Variants in MIPOL1 observed in about 807,000 individuals in gnomAD.
MIPOL1 encodes the protein mirror-image polydactyly 1, also known as mirror-image polydactyly gene 1 protein.
A neutral mutation model predicts 60.9 loss-of-function variants in MIPOL1; 57 were observed. The observed-to-expected ratio is 0.94, with a 90% confidence interval of 0.76 to 1.17. The LOEUF (loss-of-function observed/expected upper bound fraction) is 1.17. MIPOL1 is among the 50% of genes most tolerant of loss of function. The pLI is 0.00. For synonymous variants in MIPOL1, 179 were observed against 168.8 expected, an observed-to-expected ratio of 1.06 and a Z score of -0.47; for missense variants, 551 against 511.6, an observed-to-expected ratio of 1.08 and a Z score of -0.74.
chr14:37,439,665 A>G (rs533236188), intron 11 of MIPOL1, among the ~76,000 whole-genome samples: 1 of 152,218 alleles, frequency 6.6e-6, no homozygotes, highest in South Asian at 2.1e-4. Flanking sequence ...CCCCTGGTCA[A>G]TCAAATTTCA....
rs554778061 is a variant in MIPOL1, at chr14:37,524,984, C to T, written c.1263-21921C>T. Among the ~76,000 whole-genome samples the T allele has an allele frequency of 1.1e-4, 17 of 152,226 alleles. No individual in the cohort carries two copies. The South Asian group carries it at 2.7e-3, about 24-fold the overall frequency. ...CACAATAGAAATGTCAGTGAATGGA[C>T]AGCTGCTAAAATATTTTGGCGAAAT... is the stretch of plus-strand genomic sequence containing the variant. On this transcript the variant is annotated intron_variant, in intron 12 of 12. Transcript: ENST00000684589.
intron 10 of MIPOL1, among the ~76,000 whole-genome samples, chr14:37,417,955 T>G (rs1219085542): frequency 6.6e-6 from 1 of 152,174 alleles, no homozygotes. Flanking sequence ...CATGTTGTAT[T>G]AGCAACAATT....
intron 12 of MIPOL1, among the ~76,000 whole-genome samples, chr14:37,521,881 TAAAGAAAAAAAA>T (rs2095414992): frequency 1.2e-5 from 1 of 85,206 alleles, no homozygotes; most frequent in African/African-American, 6.9e-5. Context: ...AGACTTTATC[TAAAGAAAAAAAA>T]ATATATATAT....
Position 37,422,862 on chromosome 14 carries a change from T to A in MIPOL1, c.944T>A (p.Leu315Ter), listed in dbSNP as rs2093899256. ...AATATTAATTACTTTTAGGCAAAGT[T>A]GTTATCTATGCAACAAGCCAGAGAA... ...NNQERALKAK[L>*]LSMQQARETA... Residue 315 changes from leucine to a stop codon, truncating the protein, a stop_gained, in exon 11 of 13, where the codon TTG (leucine) becomes TAG (stop). Transcript: ENST00000684589. LOFTEE classifies it high-confidence loss of function. 2 of 1,602,140 alleles carry A rather than the reference T, an allele frequency of 1.2e-6. No homozygotes were observed. The highest frequency in any genetic ancestry group is 8.5e-7 in the Non-Finnish European group (1 of 1,172,700).
At chr14:37,484,951 C>T (rs999407113) in intron 11 of MIPOL1, among the ~76,000 whole-genome samples, 3 of 152,056 alleles carry the variant, frequency 2.0e-5, no homozygotes, top group Admixed American at 6.6e-5. Flanking sequence ...CCCATCAACC[C>T]GTTACCTACA....
At chr14:37,292,426 T>C (rs1379278447) in intron 7 of MIPOL1, among the ~76,000 whole-genome samples, 1 of 151,316 alleles carries the variant, frequency 6.6e-6, no homozygotes, top group Non-Finnish European at 1.5e-5. Context: ...CAAAAACTTT[T>C]AGCAGAACAG....
intron 10 of MIPOL1, among the ~76,000 whole-genome samples, chr14:37,389,274 C>T (rs1350545577): frequency 6.6e-6 from 1 of 151,968 alleles, no homozygotes; most frequent in Non-Finnish European, 1.5e-5. Flanking sequence ...AATATGTCTT[C>T]TTCATAAGAC....
intron 9 of MIPOL1, among the ~76,000 whole-genome samples, chr14:37,313,660 G>A (rs553445718): frequency 1.3e-5 from 2 of 152,250 alleles, no homozygotes; most frequent in Non-Finnish European, 2.9e-5. Flanking sequence ...GAAGAAAGTG[G>A]TAAATTCTTT....
intron 1 of MIPOL1, among the ~76,000 whole-genome samples, chr14:37,211,492 G>A (rs1966843056): frequency 6.6e-6 from 1 of 152,112 alleles, no homozygotes; most frequent in Admixed American, 6.6e-5. Context: ...AGACTCAGCT[G>A]ATGCCCACCC....
intron 10 of MIPOL1, among the ~76,000 whole-genome samples, chr14:37,388,080 A>G (rs1038146781): frequency 2.0e-5 from 3 of 151,952 alleles, no homozygotes; most frequent in African/African-American, 4.8e-5. Context: ...ATCAGTGATT[A>G]GGAAAAACAT....
intron 1 of MIPOL1, among the ~76,000 whole-genome samples, chr14:37,228,801 A>G (rs1970179374): frequency 6.6e-6 from 1 of 152,172 alleles, no homozygotes. Context: ...AATACTGAAA[A>G]CAATTTGTGG....
At chr14:37,254,415 T>G (rs1421291069) in intron 3 of MIPOL1, among the ~76,000 whole-genome samples, 1 of 151,792 alleles carries the variant, frequency 6.6e-6, no homozygotes, top group Non-Finnish European at 1.5e-5. Flanking sequence ...TTCATGTTGG[T>G]GAGTTTATGC....
intron 3 of MIPOL1, among the ~76,000 whole-genome samples, chr14:37,263,227 A>G (rs532330541): frequency 2.0e-5 from 3 of 152,230 alleles, no homozygotes; most frequent in African/African-American, 7.2e-5. Context: ...CAATACTGAC[A>G]CCTCCAGAAG....
In MIPOL1 at chr14:37,330,374, TTTAG is replaced by T. The variant is rs540022634; in HGVS notation, c.828+21859_828+21862del. Among the ~76,000 whole-genome samples the T allele has an allele frequency of 6.0e-4, 91 of 152,206 alleles. No homozygotes were observed. In the Middle Eastern group the frequency reaches 0.017, roughly 28 times the overall value. On this transcript the variant is annotated intron_variant, in intron 9 of 12. Transcript: ENST00000684589. ...AAATCCATTTAGTCTCCAAAGAGGT[TTTAG>T]TTAAATATTCTAAACACCTGGAAGC... is the stretch of plus-strand genomic sequence containing the variant.
intron 11 of MIPOL1, among the ~76,000 whole-genome samples, chr14:37,434,971 A>C (rs1188310026): frequency 6.6e-6 from 1 of 152,070 alleles, no homozygotes; most frequent in Non-Finnish European, 1.5e-5. Flanking sequence ...CGTGCATTTC[A>C]ACAATTGACT....
At chr14:37,229,044 C>T (rs1405612792) in intron 1 of MIPOL1, among the ~76,000 whole-genome samples, 2 of 83,776 alleles carry the variant, frequency 2.4e-5, no homozygotes, top group Admixed American at 1.4e-4. Context: ...AACATCTTTA[C>T]TGTATATAGC....
intron 7 of MIPOL1, among the ~76,000 whole-genome samples, chr14:37,307,660 A>G (rs2086899678): frequency 6.6e-6 from 1 of 152,014 alleles, no homozygotes; most frequent in East Asian, 1.9e-4. Flanking sequence ...TAATAAAAAT[A>G]CTAGCCTTGT....
intron 11 of MIPOL1, among the ~76,000 whole-genome samples, chr14:37,443,457 C>CAAAAAAAAAAAAAAA (rs3062712): frequency 2.2e-5 from 1 of 45,460 alleles, no homozygotes; most frequent in Non-Finnish European, 4.1e-5. Context: ...ACTATCTCAC[C>CAAAAAAAAAAAAAAA]AAAAAAAAAA....
chr14:37,230,238 G>T (rs1295515420), intron 1 of MIPOL1, among the ~76,000 whole-genome samples: 1 of 152,116 alleles, frequency 6.6e-6, no homozygotes, highest in Non-Finnish European at 1.5e-5. Flanking sequence ...GGTGAATTTT[G>T]ATAATCTTAA....
Sources: allele counts gnomAD v4.1 joint callset (sites outside exome capture counted in the v4.1 genomes callset), GRCh38; gene constraint gnomAD v4.1.1; transcripts MANE v1.5; gene names NCBI Gene and HGNC (gene_info 2026-07-23, HGNC 2026-07-21).